The following NSD3 variants were observed in gnomAD, a reference collection of about 807,000 sequenced individuals.
NSD3 encodes histone-lysine N-methyltransferase NSD3.
A neutral mutation model predicts 160.8 loss-of-function variants in NSD3; 24 were observed. The ratio of observed to expected loss-of-function variants is 0.15; its 90% confidence interval spans 0.11 to 0.21. The LOEUF is 0.21. NSD3 is among the 10% of genes least tolerant of loss of function. The probability of loss-of-function intolerance (pLI) is 1.00; values close to 1 mark genes in which losing one functional copy is unlikely to be tolerated. For synonymous variants in NSD3, 520 were observed against 600.0 expected, an observed-to-expected ratio of 0.87 and a Z score of 1.95; for missense variants, 1,157 against 1,735.9, an observed-to-expected ratio of 0.67 and a Z score of 5.93.
intron 2 of NSD3, among the ~76,000 whole-genome samples, chr8:38,345,381 GGAGA>G (rs1382714437): frequency 6.6e-6 from 1 of 150,730 alleles, no homozygotes; most frequent in Non-Finnish European, 1.5e-5. Context: ...AGGGAGAGAG[GGAGA>G]GAGAGAGAGA....
intron 1 of NSD3, among the ~76,000 whole-genome samples, chr8:38,354,253 CA>C (rs1307767776): frequency 6.6e-6 from 1 of 152,188 alleles, no homozygotes; most frequent in East Asian, 1.9e-4. Flanking sequence ...GATATTCTCC[CA>C]GACAACTGGC....
At chr8:38,371,914 C>T (rs1811250979) in intron 1 of NSD3, among the ~76,000 whole-genome samples, 1 of 152,118 alleles carries the variant, frequency 6.6e-6, no homozygotes, top group Non-Finnish European at 1.5e-5. Context: ...TTCCAAATAC[C>T]TAAGAAAATA....
intron 6 of NSD3, among the ~76,000 whole-genome samples, chr8:38,327,690 T>C (rs1809949809): frequency 6.6e-6 from 1 of 152,208 alleles, no homozygotes; most frequent in Non-Finnish European, 1.5e-5. Flanking sequence ...TCTAGTCATT[T>C]GCATTTGGTA....
chr8:38,380,713 A>C (rs1345100568), intron 1 of NSD3: 1 of 152,212 alleles, frequency 6.6e-6, no homozygotes, highest in Non-Finnish European at 1.5e-5. Flanking sequence ...GAATAATTTA[A>C]AATGACCCAA....
In NSD3 at chr8:38,348,064, G is replaced by A. The variant is rs1810579582; in HGVS notation, c.108C>T (p.Asn36=). Residue 36 remains asparagine, a synonymous_variant, in exon 2 of 24, where the codon AAC becomes AAT. Transcript: ENST00000317025. ...ANIRQEDAFD[N]NSDIAEDGGQ... is the part of the protein sequence containing the mutation. ...CACCATCTTCAGCAATGTCACTGTT[G>A]TTATCAAAGGCATCCTCCTGACGGA... The A allele has an allele frequency of 6.2e-7, 1 of 1,614,092 alleles. No individual in the cohort carries two copies. Among genetic ancestry groups the A allele is most frequent in the South Asian group, 1.1e-5 (1 of 91,082 alleles).
intron 1 of NSD3, among the ~76,000 whole-genome samples, chr8:38,375,179 A>C (rs1350649869): frequency 2.0e-5 from 3 of 152,202 alleles, no homozygotes; most frequent in Non-Finnish European, 4.4e-5. Flanking sequence ...CTAAAACTGA[A>C]ACAGTATGAA....
chr8:38,333,717 A>G (rs1462068570), intron 4 of NSD3, among the ~76,000 whole-genome samples: 1 of 151,848 alleles, frequency 6.6e-6, no homozygotes, highest in South Asian at 2.1e-4. Context: ...AATACAAAAA[A>G]TTAGCCGGGC....
chr8:38,303,439 A>C (rs1809321890), intron 14 of NSD3: 1 of 979,008 alleles, frequency 1.0e-6, no homozygotes, highest in Non-Finnish European at 1.2e-6. Context: ...CTCCAAAGGC[A>C]GACAGTCACA....
In NSD3 at chr8:38,315,835, T is replaced by C; in HGVS notation, c.1986+77A>G. 3.2e-6 allele frequency: 5 copies of C among 1,543,006 alleles called. No homozygotes were observed. The South Asian group carries it at 5.0e-5, about 15-fold the overall frequency. On this transcript the variant is annotated intron_variant, in intron 10 of 23. Transcript: ENST00000317025. ...TTCTATGAGTATTTTTAAAATGTCC[T>C]GATTTCCCCAAATAAATAAGGGAAA... is the stretch of plus-strand genomic sequence containing the variant.
rs1811591609 is a variant in NSD3, at chr8:38,381,911, A to C, written c.-157T>G. The C allele has an allele frequency of 6.5e-6, 1 of 153,428 alleles. No individual in the cohort carries two copies. Among genetic ancestry groups the C allele is most frequent in the South Asian group, 2.1e-4 (1 of 4,872 alleles). 9.5% of individuals were successfully genotyped at this position (153,428 alleles called of 1,614,324 possible). Reference sequence around the variant, plus strand: ...CAGCCGCTGGGGCCGCGCGAGGAGGAGGCGGAACCGAGCTAGGCCGCATGA... The same window carrying C: ...CAGCCGCTGGGGCCGCGCGAGGAGGCGGCGGAACCGAGCTAGGCCGCATGA... On this transcript the variant is annotated 5_prime_UTR_variant, in exon 1 of 24. Transcript: ENST00000317025.
intron 2 of NSD3, among the ~76,000 whole-genome samples, chr8:38,343,139 G>A (rs1474451762): frequency 6.6e-6 from 1 of 151,912 alleles, no homozygotes; most frequent in Non-Finnish European, 1.5e-5. Flanking sequence ...AGAGGTTGCA[G>A]TGAGCCGAGA....
intron 1 of NSD3, among the ~76,000 whole-genome samples, chr8:38,371,159 T>TA (rs532442117): frequency 4.6e-5 from 7 of 151,688 alleles, no homozygotes; most frequent in Admixed American, 2.6e-4. Flanking sequence ...TCCAACTATG[T>TA]AAAAAAAATA....
chr8:38,317,275 T>C lies in NSD3; in HGVS notation c.1856-1233A>G. Reference sequence around the variant, plus strand: ...CTGAATGTTTCCTGACATCTATAAATGAGGGTGCCTGCCCATGTTAATGCT... The same window carrying C: ...CTGAATGTTTCCTGACATCTATAAACGAGGGTGCCTGCCCATGTTAATGCT... On this transcript the variant is annotated intron_variant, in intron 9 of 23. Coordinates refer to ENST00000317025, the MANE Select transcript of NSD3 (RefSeq NM_023034.2). The surrounding 1 kb of genome is among the most constrained non-coding windows in gnomAD (Gnocchi z 5.3). The C allele has an allele frequency of 9.4e-7, 1 of 1,060,636 alleles. No homozygotes were observed. The highest frequency in any genetic ancestry group is 5.1e-5 in the East Asian group (1 of 19,432). 65.7% of individuals were successfully genotyped at this position (1,060,636 alleles called of 1,614,324 possible). A position where few individuals can be genotyped will look rare whatever the true frequency, so the allele number is the denominator to read the frequency against.
At chr8:38,354,012 T>G (rs1810762853) in intron 1 of NSD3, among the ~76,000 whole-genome samples, 1 of 152,222 alleles carries the variant, frequency 6.6e-6, no homozygotes, top group African/African-American at 2.4e-5. Context: ...GCACTGTCCT[T>G]TTCCTAGTGC....
chr8:38,351,256 T>C (rs571967582), intron 1 of NSD3, among the ~76,000 whole-genome samples: 1 of 150,818 alleles, frequency 6.6e-6, no homozygotes, highest in East Asian at 2.0e-4. Flanking sequence ...GGATTACAGG[T>C]GTGAGCCACC....
At chr8:38,364,987 T>C (rs954299446) in intron 1 of NSD3, among the ~76,000 whole-genome samples, 1 of 152,224 alleles carries the variant, frequency 6.6e-6, no homozygotes, top group Admixed American at 6.5e-5. Flanking sequence ...GTAAATCCCA[T>C]AACCTCTGTT....
chr8:38,365,197 AC>A (rs1200328816), intron 1 of NSD3, among the ~76,000 whole-genome samples: 3 of 152,144 alleles, frequency 2.0e-5, no homozygotes, highest in Non-Finnish European at 4.4e-5. Context: ...AATCACCCAC[AC>A]CAACACTGCC....
At position 38,315,409 on chromosome 8, in the gene NSD3, T is replaced by C; in HGVS notation, c.2115+7A>G. On this transcript the variant is annotated splice_region_variant and intron_variant, in intron 11 of 23. Coordinates refer to ENST00000317025, the MANE Select transcript of NSD3 (RefSeq NM_023034.2). The stretch of plus-strand genomic sequence containing the variant: ...ATTTCAAGCCATAGCACCAGTTACC[T>C]GCCTACCTGACATACAGTGTCCTTC... 1 of 1,556,668 alleles carries C rather than the reference T, an allele frequency of 6.4e-7. No individual in the cohort carries two copies. Among genetic ancestry groups the C allele is most frequent in the Non-Finnish European group, 8.6e-7 (1 of 1,158,724 alleles).
At chr8:38,277,989 A>C (rs969674811) in intron 22 of NSD3, among the ~76,000 whole-genome samples, 2 of 147,890 alleles carry the variant, frequency 1.4e-5, no homozygotes, top group Admixed American at 6.8e-5. Flanking sequence ...CCCAGGCTGG[A>C]GTGCAGTGGT....
Sources: gnomAD v4.1 joint callset for allele counts (sites outside exome capture counted in the v4.1 genomes callset) on GRCh38, gnomAD v4.1.1 for gene constraint, Gnocchi (gnomAD v3.1) non-coding constraint, MANE v1.5 for transcripts, NCBI Gene and HGNC (gene_info 2026-07-23, HGNC 2026-07-21) for gene names.